The following VCPIP1 variants were observed in gnomAD, a reference collection of about 807,000 sequenced individuals.
VCPIP1 encodes the protein deubiquitinating protein VCPIP1.
Under a neutral mutation model 85.0 loss-of-function variants are expected in VCPIP1, and 8 were observed. That is an observed-to-expected ratio of 0.09 (90% confidence interval 0.06 to 0.17). The LOEUF is 0.17. Among genes scored for constraint, VCPIP1 ranks in the 10% least tolerant of loss-of-function variants. VCPIP1 has a pLI of 1.00. For missense variants in VCPIP1, 1,070 were observed against 1,486.3 expected (o/e 0.72, Z 4.61); for synonymous variants, 543 against 544.5 (o/e 1.00, Z 0.04).
intron 1 of VCPIP1, among the ~76,000 whole-genome samples, chr8:66,652,376 G>A (rs1387883899): frequency 6.6e-6 from 1 of 152,172 alleles, no homozygotes; most frequent in Non-Finnish European, 1.5e-5. Flanking sequence ...CACTTTGGGA[G>A]GCCCAGGCAG....
intron 2 of VCPIP1, among the ~76,000 whole-genome samples, chr8:66,650,860 C>CAAAAA (rs770736039): frequency 1.1e-3 from 16 of 13,928 alleles, no homozygotes; most frequent in Non-Finnish European, 1.3e-3. Flanking sequence ...GACTTCGTCT[C>CAAAAA]AAAAAAAAAA....
chr8:66,667,180 A>T lies in VCPIP1; in HGVS notation c.-222T>A. 6.6e-6 allele frequency: 6 copies of T among 915,630 alleles called. No homozygotes were observed. Among genetic ancestry groups the T allele is most frequent in the Non-Finnish European group, 4.6e-6 (3 of 650,882 alleles). The allele number at this position is 915,630 out of a possible 1,614,324, so 56.7% of individuals were successfully genotyped here. A position where few individuals can be genotyped will look rare whatever the true frequency, so the allele number is the denominator to read the frequency against. On this transcript the variant is annotated 5_prime_UTR_variant, in exon 1 of 3. Coordinates refer to ENST00000310421, the MANE Select transcript of VCPIP1 (RefSeq NM_025054.5). ...CGTTGCCCCGAACGTAACGGCCACC[A>T]CCCCACCCCGCACTCACACTCACTC...
chr8:66,644,128 C>T (rs1810972841), intron 2 of VCPIP1, among the ~76,000 whole-genome samples: 1 of 152,010 alleles, frequency 6.6e-6, no homozygotes, highest in African/African-American at 2.4e-5. Flanking sequence ...TAAAAAACTG[C>T]CCAGCAAAGA....
chr8:66,642,909 CTAAT>C (rs1452689800), intron 2 of VCPIP1, among the ~76,000 whole-genome samples: 1 of 151,786 alleles, frequency 6.6e-6, no homozygotes, highest in South Asian at 2.1e-4. Context: ...ATAATCCATC[CTAAT>C]TAAATACTAA....
intron 2 of VCPIP1, among the ~76,000 whole-genome samples, chr8:66,638,638 GC>G (rs1810913299): frequency 6.6e-6 from 1 of 152,042 alleles, no homozygotes; most frequent in South Asian, 2.1e-4. Context: ...AATTAGCCAG[GC>G]GTGGTGGCGG....
At chr8:66,661,988 C>T (rs1222399203) in intron 1 of VCPIP1, among the ~76,000 whole-genome samples, 2 of 151,342 alleles carry the variant, frequency 1.3e-5, no homozygotes, top group African/African-American at 4.9e-5. Context: ...AGGATGGTCT[C>T]GAACTCCTGA....
chr8:66,657,283 A>G (rs942191157), intron 1 of VCPIP1, among the ~76,000 whole-genome samples: 1 of 152,234 alleles, frequency 6.6e-6, no homozygotes, highest in African/African-American at 2.4e-5. Flanking sequence ...AAAATGAAGT[A>G]CTTGTTTATT....
chr8:66,644,402 C>G (rs549920674), intron 2 of VCPIP1, among the ~76,000 whole-genome samples: 1 of 152,268 alleles, frequency 6.6e-6, no homozygotes, highest in East Asian at 1.9e-4. Flanking sequence ...ATGTAATTCA[C>G]GCTATCAACA....
At chr8:66,656,159 A>G (rs1811097969) in intron 1 of VCPIP1, among the ~76,000 whole-genome samples, 3 of 152,188 alleles carry the variant, frequency 2.0e-5, no homozygotes. Flanking sequence ...CATCAAAAAA[A>G]GTTTAAGAGG....
intron 1 of VCPIP1, among the ~76,000 whole-genome samples, chr8:66,658,903 G>T (rs1433615523): frequency 6.6e-6 from 1 of 152,114 alleles, no homozygotes; most frequent in Non-Finnish European, 1.5e-5. Flanking sequence ...CAGGAACAGA[G>T]AAAGTATATC....
chr8:66,646,770 T>A (rs1390626572), intron 2 of VCPIP1, among the ~76,000 whole-genome samples: 2 of 151,826 alleles, frequency 1.3e-5, no homozygotes, highest in African/African-American at 4.8e-5. Flanking sequence ...CCATCCAACC[T>A]GGGTGACGGA....
rs1289787207 is a variant in VCPIP1 at position 66,630,608 on chromosome 8, C to G, written c.*3893G>C. The G allele has an allele frequency of 6.6e-6, 1 of 152,470 alleles. No homozygotes were observed. Among genetic ancestry groups the G allele is most frequent in the African/African-American group, 2.4e-5 (1 of 41,408 alleles). The allele number at this position is 152,470 out of a possible 1,614,324, so 9.4% of individuals were successfully genotyped here. A position where few individuals can be genotyped will look rare whatever the true frequency, so the allele number is the denominator to read the frequency against. ...TTTACTAATTTTTCCTTTTCTTTTA[C>G]AAGAGAATAATCATTAATATTATAC... On this transcript the variant is annotated 3_prime_UTR_variant, in exon 3 of 3. Transcript: ENST00000310421.
chr8:66,638,588 G>A (rs1239837022), intron 2 of VCPIP1, among the ~76,000 whole-genome samples: 1 of 151,852 alleles, frequency 6.6e-6, no homozygotes, highest in African/African-American at 2.4e-5. Context: ...GACCATCCTG[G>A]CTAACACGGT....
chr8:66,654,424 C>T lies in VCPIP1; in HGVS notation c.2711-2880G>A, dbSNP rs912356074. Among the ~76,000 whole-genome samples, 9 of 152,298 alleles carry T rather than the reference C, an allele frequency of 5.9e-5. No homozygotes were observed. In the East Asian group the frequency reaches 7.7e-4, roughly 13 times the overall value. The stretch of plus-strand genomic sequence containing the variant: ...CCAGGAAACAGAGGTTGCAGTGAGC[C>T]GAGGTCGTGCCACAGCACTCCAGCC... On this transcript the variant is annotated intron_variant, in intron 1 of 2. Coordinates refer to ENST00000310421, the MANE Select transcript of VCPIP1 (RefSeq NM_025054.5).
Position 66,664,231 on chromosome 8 carries a change from G to T in VCPIP1, c.2710+18C>A. ...TATTTACAATTAAGATATACCATCA[G>T]AATTAAATTCATCTTACCCATTAAT... is the stretch of plus-strand genomic sequence containing the variant. On this transcript the variant is annotated intron_variant, in intron 1 of 2. Transcript: ENST00000310421. 2 of 1,529,030 alleles carry T rather than the reference G, an allele frequency of 1.3e-6. No individual in the cohort carries two copies. Among genetic ancestry groups the T allele is most frequent in the South Asian group, 1.3e-5 (1 of 77,322 alleles). The allele number at this position is 1,529,030 out of a possible 1,614,324, so 94.7% of individuals were successfully genotyped here.
Position 66,666,912 on chromosome 8 carries a change from G to T in VCPIP1, c.47C>A (p.Pro16His). ...CGGAGTCTGTGGAGCCTCAGGGGGA[G>T]GAGGTGGCGGCGGCAACGGAGGCGG... is the stretch of plus-strand genomic sequence containing the variant. ...PPPPPLPPPP[P>H]PPEAPQTPSS... Residue 16 changes from proline to histidine, a missense_variant, in exon 1 of 3, where the codon CCT becomes CAT. Pro to His is a moderately conservative substitution (Grantham distance 77). Around this residue, in one of 8 missense-constraint regions of VCPIP1, gnomAD observed 164 missense variants for 158.6 expected, o/e 1.03. Coordinates refer to ENST00000310421, the MANE Select transcript of VCPIP1 (RefSeq NM_025054.5). This position sits in a 1 kb window ranked among gnomAD's most constrained non-coding sequence, Gnocchi z 6.3. 2.5e-6 allele frequency: 4 copies of T among 1,592,050 alleles called. No homozygotes were observed. Among genetic ancestry groups the T allele is most frequent in the Non-Finnish European group, 3.4e-6 (4 of 1,173,616 alleles).
At chr8:66,635,515 T>C in intron 2 of VCPIP1, 143 bp from the exon 3 acceptor site, 1 of 950,424 alleles carries the variant, frequency 1.1e-6, no homozygotes, top group East Asian at 2.7e-5. Context: ...TTCAGATTTA[T>C]TGTATTACAA....
At chr8:66,661,208 T>C (rs955499068) in intron 1 of VCPIP1, among the ~76,000 whole-genome samples, 1 of 152,196 alleles carries the variant, frequency 6.6e-6, no homozygotes, top group African/African-American at 2.4e-5. Flanking sequence ...AATGCTCTCT[T>C]TTACACCCAA....
rs886372707 is a variant in VCPIP1, at chr8:66,667,179, C to G, written c.-221G>C. The G allele has an allele frequency of 1.4e-5, 13 of 924,718 alleles. No individual in the cohort carries two copies. The highest frequency in any genetic ancestry group is 1.7e-5 in the Non-Finnish European group (11 of 655,948). The allele number at this position is 924,718 out of a possible 1,614,324, so 57.3% of individuals were successfully genotyped here. On this transcript the variant is annotated 5_prime_UTR_variant, in exon 1 of 3. Coordinates refer to ENST00000310421, the MANE Select transcript of VCPIP1 (RefSeq NM_025054.5). Reference sequence around the variant, plus strand: ...CCGTTGCCCCGAACGTAACGGCCACCACCCCACCCCGCACTCACACTCACT... The same window carrying G: ...CCGTTGCCCCGAACGTAACGGCCACGACCCCACCCCGCACTCACACTCACT...
Sources: allele counts gnomAD v4.1 joint callset (sites outside exome capture counted in the v4.1 genomes callset), GRCh38; gene constraint gnomAD v4.1.1; regional missense constraint gnomAD v4.1.1; non-coding constraint Gnocchi (gnomAD v3.1); transcripts MANE v1.5; gene names NCBI Gene and HGNC (gene_info 2026-07-23, HGNC 2026-07-21).